Variants in UBE3A observed in about 807,000 individuals in gnomAD.
The protein encoded by UBE3A is ubiquitin-protein ligase E3A.
UBE3A carries 6 observed loss-of-function variants against 83.4 expected under a neutral mutation model. That is an observed-to-expected ratio of 0.07 (90% CI 0.04 to 0.14). UBE3A has a LOEUF of 0.14. Among genes scored for constraint, UBE3A ranks in the 10% least tolerant of loss-of-function variants. UBE3A has a pLI of 1.00. For missense variants in UBE3A, 456 were observed against 1,036.1 expected, an observed-to-expected ratio of 0.44 and a Z score of 7.69; for synonymous variants, 337 against 355.4, an observed-to-expected ratio of 0.95 and a Z score of 0.58.
At chr15:25,360,559 G>A (rs2077897354) in intron 6 of UBE3A, 32 bp from the exon 7 acceptor site, 1 of 1,609,204 alleles carries the variant, frequency 6.2e-7, no homozygotes, top group Admixed American at 1.7e-5. Context: ...ATGAAAAGAA[G>A]ATGATTGCTA....
chr15:25,362,825 T>C (rs1032571747), intron 6 of UBE3A, among the ~76,000 whole-genome samples: 1 of 152,206 alleles, frequency 6.6e-6, no homozygotes, highest in Non-Finnish European at 1.5e-5. Flanking sequence ...GTTAAAGATG[T>C]AAGTCAGTGT....
intron 4 of UBE3A, among the ~76,000 whole-genome samples, chr15:25,384,494 A>G (rs1270058494): frequency 2.0e-5 from 3 of 151,790 alleles, no homozygotes; most frequent in South Asian, 2.1e-4. Context: ...AAATTATACA[A>G]CAATGCTGAA....
chr15:25,393,754 C>T (rs2084924167), intron 4 of UBE3A: 1 of 152,146 alleles, frequency 6.6e-6, no homozygotes, highest in African/African-American at 2.4e-5. Context: ...ACATTTGAAA[C>T]AGAAGATATA....
chr15:25,365,437 C>T (rs1425819676), intron 6 of UBE3A, among the ~76,000 whole-genome samples: 1 of 151,854 alleles, frequency 6.6e-6, no homozygotes, highest in East Asian at 1.9e-4. Flanking sequence ...CTTAAGAATG[C>T]CTGGGATTTC....
At chr15:25,412,717 C>G (rs763380843) in intron 1 of UBE3A, among the ~76,000 whole-genome samples, 5 of 150,060 alleles carry the variant, frequency 3.3e-5, no homozygotes, top group Non-Finnish European at 4.4e-5. Flanking sequence ...AAGCAAATCT[C>G]AAAGGTTAAG....
At chr15:25,356,214 A>T (rs553575634) in intron 8 of UBE3A, among the ~76,000 whole-genome samples, 158 bp from the exon 9 acceptor site, 3 of 152,158 alleles carry the variant, frequency 2.0e-5, no homozygotes, top group Non-Finnish European at 4.4e-5. Context: ...TTTCCAACCT[A>T]TAAAAGAAAG....
intron 1 of UBE3A, among the ~76,000 whole-genome samples, chr15:25,422,466 G>C (rs918803701): frequency 2.6e-5 from 4 of 151,854 alleles, no homozygotes; most frequent in Non-Finnish European, 5.9e-5. Context: ...ACTTAATATA[G>C]AAAAAGGTGG....
intron 11 of UBE3A, chr15:25,346,059 C>T (rs927228573): frequency 6.6e-6 from 1 of 152,328 alleles, no homozygotes; most frequent in South Asian, 2.1e-4. Context: ...TATAATTGGT[C>T]CTGGCAGTGT....
intron 6 of UBE3A, among the ~76,000 whole-genome samples, chr15:25,369,282 C>G (rs1273651375): frequency 6.6e-6 from 1 of 150,614 alleles, no homozygotes; most frequent in African/African-American, 2.4e-5. Flanking sequence ...TTTGTCTCTG[C>G]TAGAAAACCA....
chr15:25,356,306 A>G (rs536900427), intron 8 of UBE3A, among the ~76,000 whole-genome samples: 1 of 146,640 alleles, frequency 6.8e-6, no homozygotes, highest in South Asian at 2.4e-4. Flanking sequence ...ACTGTGCTCT[A>G]TGAGAAATTC....
intron 4 of UBE3A, among the ~76,000 whole-genome samples, chr15:25,385,485 C>T (rs1480725532): frequency 6.6e-6 from 1 of 151,880 alleles, no homozygotes; most frequent in Admixed American, 6.6e-5. Flanking sequence ...CCCTTATGCA[C>T]CACTGGTGAA....
intron 11 of UBE3A, among the ~76,000 whole-genome samples, chr15:25,341,219 G>A (rs2074713757): frequency 7.3e-6 from 1 of 136,778 alleles, no homozygotes; most frequent in South Asian, 2.6e-4. Flanking sequence ...ATAGGTGCCT[G>A]CCACCACGCC....
chr15:25,416,642 T>TAA (rs34305718), intron 1 of UBE3A, among the ~76,000 whole-genome samples: 18 of 109,292 alleles, frequency 1.6e-4, no homozygotes, highest in East Asian at 6.3e-4. Flanking sequence ...TAAAACATTC[T>TAA]AAAAAAAAAA....
intron 4 of UBE3A, among the ~76,000 whole-genome samples, chr15:25,398,811 ATAT>A (rs2086356817): frequency 1.4e-5 from 1 of 72,406 alleles, no homozygotes; most frequent in Admixed American, 1.9e-4. Flanking sequence ...ATATATATAT[ATAT>A]AAAAATACAT....
At chr15:25,391,239 G>A (rs2084298421) in intron 4 of UBE3A, among the ~76,000 whole-genome samples, 1 of 152,190 alleles carries the variant, frequency 6.6e-6, no homozygotes, top group South Asian at 2.1e-4. Flanking sequence ...AAATAGGCCA[G>A]TCAACAAAAG....
intron 1 of UBE3A, among the ~76,000 whole-genome samples, chr15:25,420,126 T>C (rs1051306410): frequency 6.6e-6 from 1 of 152,016 alleles, no homozygotes; most frequent in Non-Finnish European, 1.5e-5. Context: ...AAGAAAGACA[T>C]TAAATGACCA....
At chr15:25,402,016 T>C (rs1411433652) in intron 4 of UBE3A, among the ~76,000 whole-genome samples, 3 of 152,220 alleles carry the variant, frequency 2.0e-5, no homozygotes, top group Non-Finnish European at 4.4e-5. Flanking sequence ...TTTGAATTCT[T>C]TGTCAGGCAG....
At chr15:25,387,678 A>C (rs1380787534) in intron 4 of UBE3A, among the ~76,000 whole-genome samples, 1 of 152,216 alleles carries the variant, frequency 6.6e-6, no homozygotes, top group Non-Finnish European at 1.5e-5. Context: ...GAAAAATCAA[A>C]GAAATCAACT....
At chr15:25,359,285 TGAA>T (rs1457599628) in intron 7 of UBE3A, among the ~76,000 whole-genome samples, 2 of 152,318 alleles carry the variant, frequency 1.3e-5, no homozygotes, top group Admixed American at 6.5e-5. Context: ...AAGAACTTTA[TGAA>T]GTTTATAATT....
Sources: allele counts gnomAD v4.1 joint callset (sites outside exome capture counted in the v4.1 genomes callset), GRCh38; gene constraint gnomAD v4.1.1; transcripts MANE v1.5; gene names NCBI Gene and HGNC (gene_info 2026-07-23, HGNC 2026-07-21).